WDR44: variants seen among roughly 807,000 people sequenced by gnomAD.
WDR44 encodes the protein WD repeat-containing protein 44.
Under a neutral mutation model 65.7 loss-of-function variants are expected in WDR44, and 9 were observed. That is an observed-to-expected ratio of 0.14 (90% confidence interval 0.08 to 0.24). The LOEUF (loss-of-function observed/expected upper bound fraction) is 0.24. Ranked by LOEUF, WDR44 falls within the 10% of genes least tolerant of loss-of-function variation. The probability of loss-of-function intolerance (pLI) is 1.00; values close to 1 mark genes in which losing one functional copy is unlikely to be tolerated. For synonymous variants in WDR44, 220 were observed against 235.2 expected (o/e 0.94, Z 0.59); for missense variants, 425 against 670.9 (o/e 0.63, Z 4.05).
At chrX:118,390,550 G>T (rs1215010901) in intron 3 of WDR44, among the ~76,000 whole-genome samples, 1 of 111,291 alleles carries the variant, frequency 9.0e-6, no homozygotes, top group Non-Finnish European at 1.9e-5. Context: ...ATCAGATAAG[G>T]GATTGGGGAA....
chrX:118,373,320 A>T (rs1426438372), intron 1 of WDR44, among the ~76,000 whole-genome samples: 3 of 111,591 alleles, frequency 2.7e-5, no homozygotes, highest in Non-Finnish European at 5.6e-5. Flanking sequence ...AGATATTTTC[A>T]GGGAAAGAGT....
At chrX:118,348,833 A>G (rs1182909824) in intron 1 of WDR44, among the ~76,000 whole-genome samples, 1 of 111,884 alleles carries the variant, frequency 8.9e-6, no homozygotes, top group Non-Finnish European at 1.9e-5. Flanking sequence ...GGCAAACTAT[A>G]CAATTTCTAA....
In WDR44 at chrX:118,442,653, G is replaced by A; in HGVS notation, c.2357G>A (p.Ser786Asn). The change falls in exon 17 of 20, where the codon AGC becomes AAC. Residue 786 changes from serine to asparagine, a missense_variant. Ser to Asn is a conservative substitution (Grantham distance 46). Around this residue, in one of 5 missense-constraint regions of WDR44, gnomAD observed 73 missense variants for 187.4 expected, o/e 0.39. Transcript: ENST00000254029. Reference sequence around the variant, plus strand: ...ATGAAGTATAAGGGTTACGTCAATAGCAGCAGCCAGATCAAAGCAAGTTTC... The same window carrying A: ...ATGAAGTATAAGGGTTACGTCAATAACAGCAGCCAGATCAAAGCAAGTTTC... Reference protein sequence around the residue: ...LSMKYKGYVNSSSQIKASFSH... With the variant: ...LSMKYKGYVNNSSQIKASFSH... 1 of 1,210,510 alleles carries A rather than the reference G, an allele frequency of 8.3e-7. No individual in the cohort carries two copies. Among genetic ancestry groups the A allele is most frequent in the Non-Finnish European group, 1.1e-6 (1 of 894,518 alleles).
chrX:118,346,144 A>G lies in WDR44; in HGVS notation c.-360A>G, dbSNP rs755617136. 1.3e-5 allele frequency: 4 copies of G among 300,996 alleles called. No individual in the cohort carries two copies. In the East Asian group the frequency reaches 1.4e-4, roughly 11 times the overall value. 24.8% of individuals were successfully genotyped at this position (300,996 alleles called of 1,213,427 possible). Reference sequence around the variant, plus strand: ...CAACTAGCTCTTCCAGCTGCTGTAAATTGCTGCTGCGGGAGAAACTGGAGC... The same window carrying G: ...CAACTAGCTCTTCCAGCTGCTGTAAGTTGCTGCTGCGGGAGAAACTGGAGC... On this transcript the variant is annotated 5_prime_UTR_variant, in exon 1 of 20. Transcript: ENST00000254029.
chrX:118,370,416 T>C, intron 1 of WDR44, among the ~76,000 whole-genome samples: 1 of 109,729 alleles, frequency 9.1e-6, no homozygotes, highest in Non-Finnish European at 1.9e-5. Flanking sequence ...TCACGCAAGA[T>C]CTGGTTGTTT....
In WDR44 at chrX:118,389,386, G is replaced by A. The variant is rs748975820; in HGVS notation, c.186+1972G>A. ...GTAGGAATGAAGATGACTTCATGGA[G>A]GAGGTAGCATCTGAGCTGGTTCTTA... is the stretch of plus-strand genomic sequence containing the variant. On this transcript the variant is annotated intron_variant, in intron 3 of 19. Coordinates refer to ENST00000254029, the MANE Select transcript of WDR44 (RefSeq NM_019045.5). Among the ~76,000 whole-genome samples, 9 of 111,885 alleles carry A rather than the reference G, an allele frequency of 8.0e-5. No homozygotes were observed. The East Asian group carries it at 2.5e-3, about 32-fold the overall frequency.
intron 13 of WDR44, among the ~76,000 whole-genome samples, chrX:118,434,896 G>GT (rs1391073081): frequency 9.0e-6 from 1 of 111,476 alleles, no homozygotes; most frequent in Admixed American, 9.6e-5. Context: ...AAGAATTACC[G>GT]TGTTAATTCT....
chrX:118,412,962 T>G (rs2057024348), intron 12 of WDR44, among the ~76,000 whole-genome samples: 1 of 112,204 alleles, frequency 8.9e-6, no homozygotes, highest in African/African-American at 3.2e-5. Flanking sequence ...TTTCCATTCC[T>G]GAGTTACTTC....
rs767361495 is a variant in WDR44, at chrX:118,392,872, T to G, written c.427T>G (p.Ser143Ala). Residue 143 changes from serine (S) to alanine (A), a missense_variant, in exon 4 of 20, where the codon TCT (serine) becomes GCT (alanine). Ser to Ala is a moderately conservative substitution (Grantham distance 99). Transcript: ENST00000254029. ...ATTAGAATTAAAAAAATGCTTTCCT[T>G]CTGATGAAACCTGTGAGAAACCAGT... The part of the protein sequence containing the change: ...TELELKKCFP[S>A]DETCEKPVDE... The G allele has an allele frequency of 8.3e-7, 1 of 1,210,729 alleles. No homozygotes were observed. Among genetic ancestry groups the G allele is most frequent in the Non-Finnish European group, 1.1e-6 (1 of 895,447 alleles).
intron 12 of WDR44, among the ~76,000 whole-genome samples, chrX:118,430,491 G>A (rs1181825715): frequency 5.7e-5 from 6 of 105,014 alleles, no homozygotes; most frequent in Non-Finnish European, 9.7e-5. Flanking sequence ...GCAGTGAGCC[G>A]AGATTGCACC....
At chrX:118,366,637 A>C (rs2056554965) in intron 1 of WDR44, among the ~76,000 whole-genome samples, 1 of 111,003 alleles carries the variant, frequency 9.0e-6, no homozygotes, top group East Asian at 2.8e-4. Flanking sequence ...AAATTTGGGC[A>C]GTCTGGGAAG....
At chrX:118,387,235 C>T (rs1319455202) in intron 2 of WDR44, 105 bp from the exon 3 acceptor site, 2 of 409,800 alleles carry the variant, frequency 4.9e-6, no homozygotes, top group East Asian at 4.9e-5. Context: ...CTTTAAGGGC[C>T]TTTGATTTAT....
chrX:118,427,330 G>A (rs1213952854), intron 12 of WDR44, among the ~76,000 whole-genome samples: 1 of 106,326 alleles, frequency 9.4e-6, no homozygotes, highest in East Asian at 2.9e-4. Context: ...GAGTGCAGTG[G>A]CGCGATCTCT....
rs777456699 is a variant in WDR44 at position 118,346,168 on chromosome X, G to A, written c.-336G>A. 3 of 300,781 alleles carry A rather than the reference G, an allele frequency of 1.0e-5. No homozygotes were observed. The highest frequency in any genetic ancestry group is 8.2e-5 in the African/African-American group (3 of 36,463). 24.8% of individuals were successfully genotyped at this position (300,781 alleles called of 1,213,427 possible). A position where few individuals can be genotyped will look rare whatever the true frequency, so the allele number is the denominator to read the frequency against. On this transcript the variant is annotated 5_prime_UTR_variant, in exon 1 of 20. Coordinates refer to ENST00000254029, the MANE Select transcript of WDR44 (RefSeq NM_019045.5). ...AATTGCTGCTGCGGGAGAAACTGGAGCCGCTGTAGCCGGCGCGCCCTTCTT... is the reference window on the plus strand; with the variant it reads ...AATTGCTGCTGCGGGAGAAACTGGAACCGCTGTAGCCGGCGCGCCCTTCTT...
At chrX:118,417,975 G>T (rs1468644331) in intron 12 of WDR44, among the ~76,000 whole-genome samples, 1 of 111,439 alleles carries the variant, frequency 9.0e-6, no homozygotes, top group African/African-American at 3.3e-5. Flanking sequence ...CAATTCTATT[G>T]CTGAGACTTT....
At chrX:118,362,245 TGAG>T (rs1214333722) in intron 1 of WDR44, among the ~76,000 whole-genome samples, 1 of 112,362 alleles carries the variant, frequency 8.9e-6, no homozygotes, top group African/African-American at 3.2e-5. Flanking sequence ...TTTTGTAAAG[TGAG>T]GAGACTGTTC....
At chrX:118,412,389 A>G (rs953435950) in intron 12 of WDR44, among the ~76,000 whole-genome samples, 2 of 111,657 alleles carry the variant, frequency 1.8e-5, no homozygotes, top group Admixed American at 9.5e-5. Context: ...CATAATTACC[A>G]TGTTCAGATT....
chrX:118,418,285 T>C (rs2057074557), intron 12 of WDR44, among the ~76,000 whole-genome samples: 1 of 111,398 alleles, frequency 9.0e-6, no homozygotes, highest in African/African-American at 3.3e-5. Flanking sequence ...ATTACCAGAG[T>C]TGGTTTTCTG....
chrX:118,357,121 G>C (rs933236196), intron 1 of WDR44, among the ~76,000 whole-genome samples: 1 of 110,999 alleles, frequency 9.0e-6, no homozygotes, highest in Admixed American at 9.7e-5. Context: ...ATGAGCCACT[G>C]TACCTGGCCT....
Sources: gnomAD v4.1 joint callset for allele counts (sites outside exome capture counted in the v4.1 genomes callset) on GRCh38, gnomAD v4.1.1 for gene constraint, gnomAD v4.1.1 regional missense constraint, MANE v1.5 for transcripts, NCBI Gene and HGNC (gene_info 2026-07-23, HGNC 2026-07-21) for gene names.